The following EPHA6 variants were observed in gnomAD, a reference collection of about 807,000 sequenced individuals.
The protein encoded by EPHA6 is EPH receptor A6.
Under a neutral mutation model 112.0 loss-of-function variants are expected in EPHA6, and 50 were observed. The ratio of observed to expected loss-of-function variants is 0.45; its 90% confidence interval spans 0.36 to 0.56. The LOEUF (loss-of-function observed/expected upper bound fraction) is 0.56, where lower values mean the gene tolerates loss of function less well. EPHA6 is among the 20% of genes least tolerant of loss of function. The pLI is 0.00. For missense variants in EPHA6, 1,280 were observed against 1,417.4 expected, an observed-to-expected ratio of 0.90 and a Z score of 1.56; for synonymous variants, 529 against 490.7, an observed-to-expected ratio of 1.08 and a Z score of -1.03.
intron 11 of EPHA6, 96 bp from the exon 12 acceptor site, chr3:97,592,516 G>A: frequency 7.1e-7 from 1 of 1,402,704 alleles, no homozygotes; most frequent in Non-Finnish European, 9.8e-7. Flanking sequence ...CGTAAAATTT[G>A]ATGTCTTTGT....
chr3:97,542,598 G>T (rs964150441), intron 11 of EPHA6, among the ~76,000 whole-genome samples: 1 of 152,096 alleles, frequency 6.6e-6, no homozygotes, highest in Non-Finnish European at 1.5e-5. Context: ...ATAATCCTTT[G>T]GGTATATACC....
At chr3:97,391,230 A>G (rs1408162513) in intron 5 of EPHA6, among the ~76,000 whole-genome samples, 1 of 152,000 alleles carries the variant, frequency 6.6e-6, no homozygotes. Context: ...TAGAGGATTT[A>G]TAGAACAAAA....
intron 2 of EPHA6, among the ~76,000 whole-genome samples, chr3:96,921,649 A>G (rs1380334022): frequency 6.6e-6 from 1 of 151,476 alleles, no homozygotes; most frequent in Non-Finnish European, 1.5e-5. Flanking sequence ...GCTCACTGCA[A>G]CCTCCGCCTC....
At chr3:97,084,124 G>A (rs963935976) in intron 3 of EPHA6, among the ~76,000 whole-genome samples, 7 of 82,052 alleles carry the variant, frequency 8.5e-5, no homozygotes, top group East Asian at 6.8e-4. Flanking sequence ...ATATATATAT[G>A]GATATATATC....
rs557924896 is a variant in EPHA6 at position 96,835,963 on chromosome 3, G to A, written c.385+20955G>A. Among the ~76,000 whole-genome samples the A allele has an allele frequency of 4.6e-5, 7 of 152,142 alleles. No homozygotes were observed. The South Asian group carries it at 6.2e-4, about 14-fold the overall frequency. On this transcript the variant is annotated intron_variant, in intron 1 of 17. Transcript: ENST00000389672. ...ATGTCACAGTATTAAGGGGAAATAA[G>A]CATCAATGATGATTATTTTTCACAT...
intron 14 of EPHA6, among the ~76,000 whole-genome samples, chr3:97,640,487 C>T (rs983101699): frequency 6.6e-6 from 1 of 151,958 alleles, no homozygotes; most frequent in African/African-American, 2.4e-5. Flanking sequence ...TTATTGGGGC[C>T]GGGCACGGTG....
intron 11 of EPHA6, among the ~76,000 whole-genome samples, chr3:97,572,115 G>T (rs1447531443): frequency 6.7e-6 from 1 of 150,076 alleles, no homozygotes; most frequent in African/African-American, 2.4e-5. Flanking sequence ...TCTGATTAAT[G>T]CCAGTGTCAA....
intron 2 of EPHA6, among the ~76,000 whole-genome samples, chr3:96,940,981 T>G (rs1251252610): frequency 6.6e-6 from 1 of 152,240 alleles, no homozygotes; most frequent in Non-Finnish European, 1.5e-5. Flanking sequence ...GTTAGTCTGA[T>G]GGGCTTCCCT....
chr3:96,964,128 C>A (rs2042040184), intron 2 of EPHA6, among the ~76,000 whole-genome samples: 1 of 152,032 alleles, frequency 6.6e-6, no homozygotes, highest in Non-Finnish European at 1.5e-5. Flanking sequence ...GGGTATCCAT[C>A]CACCCCCTCA....
intron 5 of EPHA6, among the ~76,000 whole-genome samples, chr3:97,342,713 T>C (rs1380037724): frequency 6.6e-6 from 1 of 151,966 alleles, no homozygotes; most frequent in East Asian, 1.9e-4. Context: ...CTCTCTCTCT[T>C]TCTCTCTCTG....
intron 3 of EPHA6, among the ~76,000 whole-genome samples, chr3:97,170,207 G>A (rs1249671794): frequency 6.6e-6 from 1 of 152,096 alleles, no homozygotes. Flanking sequence ...GAATTGAGGA[G>A]GGGAACTTAA....
intron 6 of EPHA6, among the ~76,000 whole-genome samples, chr3:97,428,189 A>G (rs1029145603): frequency 2.0e-5 from 3 of 152,188 alleles, no homozygotes; most frequent in Non-Finnish European, 2.9e-5. Context: ...AAATATTTGT[A>G]GAAACCTCAA....
At chr3:96,983,202 T>C (rs1434660445) in intron 2 of EPHA6, among the ~76,000 whole-genome samples, 5 of 152,318 alleles carry the variant, frequency 3.3e-5, no homozygotes, top group Admixed American at 2.0e-4. Context: ...GGTTGTTCCT[T>C]TCTATGTTTA....
chr3:97,150,260 T>C (rs188887062), intron 3 of EPHA6, among the ~76,000 whole-genome samples: 3 of 152,226 alleles, frequency 2.0e-5, no homozygotes, highest in East Asian at 1.9e-4. Flanking sequence ...GCCATCTCTA[T>C]TGGGAGACAA....
intron 3 of EPHA6, among the ~76,000 whole-genome samples, chr3:97,107,081 A>G (rs1012213482): frequency 3.3e-5 from 5 of 152,128 alleles, no homozygotes; most frequent in African/African-American, 1.2e-4. Context: ...TGAATGGTTG[A>G]ATAAAAGCAT....
intron 1 of EPHA6, among the ~76,000 whole-genome samples, chr3:96,858,416 G>T (rs1295098772): frequency 6.6e-6 from 1 of 152,106 alleles, no homozygotes; most frequent in Admixed American, 6.6e-5. Flanking sequence ...GATAGGAAAA[G>T]ATGTAATCTA....
chr3:96,818,579 T>C (rs1051565477), intron 1 of EPHA6, among the ~76,000 whole-genome samples: 6 of 151,948 alleles, frequency 3.9e-5, no homozygotes, highest in Admixed American at 6.6e-5. Flanking sequence ...TACAAATAAA[T>C]ATATCTAAGC....
At chr3:97,451,228 T>C (rs2090518002) in intron 7 of EPHA6, among the ~76,000 whole-genome samples, 1 of 151,982 alleles carries the variant, frequency 6.6e-6, no homozygotes, top group Non-Finnish European at 1.5e-5. Flanking sequence ...TGGATTAACA[T>C]GACTAGTAAT....
At chr3:97,326,018 A>G (rs1398672405) in intron 5 of EPHA6, among the ~76,000 whole-genome samples, 2 of 132,722 alleles carry the variant, frequency 1.5e-5, no homozygotes, top group African/African-American at 8.2e-5. Context: ...AAGTAGTTTG[A>G]TAGAAGTGTA....
Sources: allele counts gnomAD v4.1 joint callset (sites outside exome capture counted in the v4.1 genomes callset), GRCh38; gene constraint gnomAD v4.1.1; transcripts MANE v1.5; gene names NCBI Gene and HGNC (gene_info 2026-07-23, HGNC 2026-07-21).